ARB2A: variants seen among roughly 807,000 people sequenced by gnomAD.
The protein encoded by ARB2A is cotranscriptional regulator ARB2A.
At chr5:93,774,423 C>CA in the ARB2A span, among the ~76,000 whole-genome samples, 1 of 152,160 alleles carries the variant, frequency 6.6e-6, no homozygotes, top group Admixed American at 6.5e-5. Flanking sequence ...AACAGTTAGC[C>CA]AAGTAGTGAA....
At chr5:93,642,296 C>T in the ARB2A span, among the ~76,000 whole-genome samples, 592 of 151,598 alleles carry the variant, frequency 3.9e-3, 35 homozygotes, top group East Asian at 0.1. Context: ...CAAACTCCTG[C>T]GCCCAAGTTC....
At chr5:93,715,542 G>C in the ARB2A span, among the ~76,000 whole-genome samples, 1 of 152,036 alleles carries the variant, frequency 6.6e-6, no homozygotes, top group Admixed American at 6.5e-5. Context: ...CTTTGCCTGA[G>C]GCTTCAGGGG....
At chr5:94,086,987 G>A in the ARB2A span, among the ~76,000 whole-genome samples, 3 of 152,298 alleles carry the variant, frequency 2.0e-5, no homozygotes, top group East Asian at 5.8e-4. Flanking sequence ...TGTTATCATA[G>A]GAAATAGCAG....
At chr5:93,847,484 G>A in the ARB2A span, among the ~76,000 whole-genome samples, 1 of 151,698 alleles carries the variant, frequency 6.6e-6, no homozygotes, top group Non-Finnish European at 1.5e-5. Flanking sequence ...AGTTTACAAA[G>A]TTTTAAAATA....
the ARB2A span, among the ~76,000 whole-genome samples, chr5:93,751,573 C>T: frequency 6.6e-5 from 10 of 152,236 alleles, no homozygotes; most frequent in East Asian, 1.9e-3. Flanking sequence ...AAAAATTACA[C>T]TCCTGCTTTT....
chr5:93,965,868 T>TG, the ARB2A span, among the ~76,000 whole-genome samples: 1 of 151,508 alleles, frequency 6.6e-6, no homozygotes, highest in East Asian at 1.9e-4. Context: ...CTTCTATGTA[T>TG]ACGTATTCAT....
At chr5:93,843,183 T>C in the ARB2A span, among the ~76,000 whole-genome samples, 1 of 152,284 alleles carries the variant, frequency 6.6e-6, no homozygotes, top group Non-Finnish European at 1.5e-5. Flanking sequence ...ACATAGTAAG[T>C]CCCACCCAGA....
At chr5:93,910,275 T>C in the ARB2A span, among the ~76,000 whole-genome samples, 1 of 151,062 alleles carries the variant, frequency 6.6e-6, no homozygotes, top group African/African-American at 2.4e-5. Context: ...GGGGGGCAAT[T>C]ATATAACTAT....
chr5:93,980,497 C>A, the ARB2A span, among the ~76,000 whole-genome samples: 1 of 152,130 alleles, frequency 6.6e-6, no homozygotes, highest in African/African-American at 2.4e-5. Flanking sequence ...CAATTCAAGA[C>A]AATTCACAGA....
the ARB2A span, among the ~76,000 whole-genome samples, chr5:93,911,144 A>G: frequency 6.6e-6 from 1 of 151,610 alleles, no homozygotes; most frequent in Non-Finnish European, 1.5e-5. Context: ...AGTTCTCTTT[A>G]GGAATACAGA....
chr5:93,793,328 C>T, the ARB2A span, among the ~76,000 whole-genome samples: 1 of 147,834 alleles, frequency 6.8e-6, no homozygotes, highest in Non-Finnish European at 1.5e-5. Flanking sequence ...AGGCAATCCT[C>T]CCATCTTGGC....
chr5:93,652,318 T>A, the ARB2A span, among the ~76,000 whole-genome samples: 5 of 152,314 alleles, frequency 3.3e-5, no homozygotes, highest in East Asian at 9.6e-4. Flanking sequence ...AATGCTTACA[T>A]TGGTTGAAAA....
the ARB2A span, among the ~76,000 whole-genome samples, chr5:94,023,792 G>A: frequency 9.9e-5 from 15 of 152,182 alleles, no homozygotes; most frequent in Admixed American, 9.8e-4. Context: ...CCAGAGGACT[G>A]ATCACTGTGT....
the ARB2A span, among the ~76,000 whole-genome samples, chr5:93,924,270 G>C: frequency 3.3e-5 from 5 of 152,068 alleles, no homozygotes; most frequent in South Asian, 1.0e-3. Context: ...GGAAGCAAAA[G>C]AAAAAAAGGT....
the ARB2A span, among the ~76,000 whole-genome samples, chr5:93,692,920 A>G: frequency 2.0e-5 from 3 of 152,222 alleles, no homozygotes; most frequent in African/African-American, 7.2e-5. Flanking sequence ...GCACAACTAC[A>G]TGGAAACTGA....
the ARB2A span, chr5:93,910,780 G>A: frequency 6.6e-6 from 1 of 151,168 alleles, no homozygotes; most frequent in East Asian, 1.9e-4. Context: ...AAACTACAGG[G>A]AAAAAACACA....
At chr5:93,934,116 T>C in the ARB2A span, among the ~76,000 whole-genome samples, 4 of 152,174 alleles carry the variant, frequency 2.6e-5, no homozygotes, top group South Asian at 8.3e-4. Flanking sequence ...AAAGAATATG[T>C]AGAGTTTTAT....
the ARB2A span, among the ~76,000 whole-genome samples, chr5:94,093,671 A>C: frequency 6.6e-6 from 1 of 152,138 alleles, no homozygotes; most frequent in South Asian, 2.1e-4. Context: ...ATCACATGCA[A>C]AATGCATTCA....
At chr5:94,002,562 G>C in the ARB2A span, among the ~76,000 whole-genome samples, 2 of 152,078 alleles carry the variant, frequency 1.3e-5, no homozygotes, top group African/African-American at 4.8e-5. Context: ...TTTGGGGTTA[G>C]CAATTTGCCC....
Sources: gnomAD v4.1 joint callset for allele counts (sites outside exome capture counted in the v4.1 genomes callset) on GRCh38, gnomAD v4.1.1 for gene constraint, MANE v1.5 for transcripts, NCBI Gene and HGNC (gene_info 2026-07-23, HGNC 2026-07-21) for gene names.